Variants in MTAP observed in about 807,000 individuals in gnomAD.
MTAP encodes S-methyl-5'-thioadenosine phosphorylase.
A neutral mutation model predicts 33.6 loss-of-function variants in MTAP; 33 were observed. The observed-to-expected ratio is 0.98, with a 90% CI of 0.74 to 1.31. The LOEUF is 1.31. Among genes scored for constraint, MTAP ranks in the 40% most tolerant of loss-of-function variants. The pLI is 0.00. For missense variants in MTAP, 367 were observed against 360.0 expected (o/e 1.02, Z -0.16); for synonymous variants, 148 against 125.7 (o/e 1.18, Z -1.19).
intron 1 of MTAP, among the ~76,000 whole-genome samples, chr9:21,807,018 G>T (rs544129127): frequency 2.0e-5 from 3 of 152,178 alleles, no homozygotes; most frequent in East Asian, 3.9e-4. Context: ...ACAAAAATTA[G>T]CCAGGCACGG....
At chr9:21,887,560 C>T (rs62556507) in intron 1 of MTAP, among the ~76,000 whole-genome samples, 3 of 152,052 alleles carry the variant, frequency 2.0e-5, no homozygotes, top group East Asian at 3.9e-4. Flanking sequence ...TGAATAGTGC[C>T]GCAGTAAACA....
intron 4 of MTAP, among the ~76,000 whole-genome samples, chr9:21,834,302 G>C (rs186423530): frequency 3.5e-4 from 54 of 152,342 alleles, no homozygotes; most frequent in African/African-American, 1.3e-3. Context: ...CACACAGCTA[G>C]TGAGTGGTAA....
chr9:21,934,028 A>G (rs1286558587), downstream of MTAP: 1 of 152,270 alleles, frequency 6.6e-6, no homozygotes, highest in East Asian at 1.9e-4. This position sits in a 1 kb window ranked among gnomAD's most constrained non-coding sequence, Gnocchi z 5.0. Context: ...AATGATTCAC[A>G]AATCAGGCAG....
chr9:21,929,173 T>C (rs1291765637), intron 1 of MTAP, among the ~76,000 whole-genome samples: 2 of 152,006 alleles, frequency 1.3e-5, no homozygotes, highest in Admixed American at 1.3e-4. Context: ...GGTGAAGTCA[T>C]GGAAAGGCCA....
chr9:21,802,871 G>T (rs749239329), intron 1 of MTAP, 90 bp downstream of exon 1: 6 of 1,547,796 alleles, frequency 3.9e-6, no homozygotes, highest in Non-Finnish European at 5.2e-6. Flanking sequence ...GGGGCCATGC[G>T]CCCGGCCCGT....
intron 1 of MTAP, among the ~76,000 whole-genome samples, chr9:21,884,749 A>G (rs962315930): frequency 6.6e-6 from 1 of 152,132 alleles, no homozygotes; most frequent in Non-Finnish European, 1.5e-5. Flanking sequence ...GACCTCCCAA[A>G]GTTCCCACCT....
chr9:21,802,836 C>T (rs1187924034), intron 1 of MTAP, 55 bp downstream of exon 1: 1 of 1,605,358 alleles, frequency 6.2e-7, no homozygotes, highest in South Asian at 1.1e-5. Flanking sequence ...CCTTCTCGCC[C>T]CCGCGCCGGG....
chr9:21,927,338 C>T (rs922048939), intron 1 of MTAP, among the ~76,000 whole-genome samples: 6 of 152,124 alleles, frequency 3.9e-5, no homozygotes, highest in Non-Finnish European at 2.9e-5. Context: ...ATGGGACAGT[C>T]GGTCAGGCTC....
At chr9:21,859,069 G>A in intron 6 of MTAP, 1 of 384,276 alleles carries the variant, frequency 2.6e-6, no homozygotes, top group Non-Finnish European at 4.6e-6. Flanking sequence ...GAATAGCACT[G>A]GGGCCTCTTT....
intron 1 of MTAP, among the ~76,000 whole-genome samples, chr9:21,808,361 G>C (rs1271175030): frequency 2.0e-5 from 3 of 151,818 alleles, no homozygotes. Context: ...GAGGTGGATA[G>C]ACTGCTTGAG....
intron 4 of MTAP, among the ~76,000 whole-genome samples, chr9:21,819,178 A>G (rs1824565321): frequency 6.7e-6 from 1 of 150,044 alleles, no homozygotes; most frequent in African/African-American, 2.5e-5. Context: ...TCTAGGGTAC[A>G]TGTGCACAAC....
At chr9:21,885,323 A>T (rs893508297) in intron 1 of MTAP, among the ~76,000 whole-genome samples, 3 of 152,090 alleles carry the variant, frequency 2.0e-5, no homozygotes, top group Non-Finnish European at 4.4e-5. Context: ...ATACTCCAAT[A>T]TATTTGTTCT....
At chr9:21,897,852 G>T (rs899754989) in intron 1 of MTAP, among the ~76,000 whole-genome samples, 5 of 152,130 alleles carry the variant, frequency 3.3e-5, no homozygotes, top group African/African-American at 1.2e-4. Flanking sequence ...AGCTACCAAT[G>T]CCTTTCTTCA....
chr9:21,838,524 C>T (rs1825164802), intron 5 of MTAP, among the ~76,000 whole-genome samples: 1 of 152,212 alleles, frequency 6.6e-6, no homozygotes, highest in Non-Finnish European at 1.5e-5. Context: ...CATCCAATGG[C>T]TGGTAACTGC....
chr9:21,843,235 C>G (rs950414387), intron 5 of MTAP, among the ~76,000 whole-genome samples: 1 of 152,110 alleles, frequency 6.6e-6, no homozygotes, highest in African/African-American at 2.4e-5. Context: ...TATATATGCA[C>G]TTAACACTTG....
At chr9:21,812,897 T>C (rs1452706737) in intron 1 of MTAP, among the ~76,000 whole-genome samples, 1 of 152,016 alleles carries the variant, frequency 6.6e-6, no homozygotes, top group Non-Finnish European at 1.5e-5. Context: ...CTGGACGAGG[T>C]TTTTAATTTT....
intron 1 of MTAP, chr9:21,803,099 G>C (rs1824106675): frequency 1.8e-6 from 1 of 565,766 alleles, no homozygotes; most frequent in Non-Finnish European, 2.8e-6. Flanking sequence ...AGAGAGAGAG[G>C]TCGTGGATGG....
At position 21,823,032 on chromosome 9, in the gene MTAP, G is replaced by T. The variant is rs528803948; in HGVS notation, c.347+4830G>T. ...TGAGCCTATGTGTGTCTCTGCACGTGAGTTGGGTCTCCTGAATACAGCACA... is the reference window on the plus strand; with the variant it reads ...TGAGCCTATGTGTGTCTCTGCACGTTAGTTGGGTCTCCTGAATACAGCACA... On this transcript the variant is annotated intron_variant, in intron 4 of 7. Transcript: ENST00000644715. Among the ~76,000 whole-genome samples, 41 of 152,318 alleles carry T rather than the reference G, an allele frequency of 2.7e-4. No individual in the cohort carries two copies. In the South Asian group the frequency reaches 7.5e-3, roughly 28 times the overall value.
At chr9:21,839,204 G>T (rs1226748787) in intron 5 of MTAP, among the ~76,000 whole-genome samples, 1 of 150,716 alleles carries the variant, frequency 6.6e-6, no homozygotes, top group Non-Finnish European at 1.5e-5. Context: ...AGTGGCAGGC[G>T]AAGTTTGTAT....
Sources: gnomAD v4.1 joint callset for allele counts (sites outside exome capture counted in the v4.1 genomes callset) on GRCh38, gnomAD v4.1.1 for gene constraint, Gnocchi (gnomAD v3.1) non-coding constraint, MANE v1.5 for transcripts, NCBI Gene and HGNC (gene_info 2026-07-23, HGNC 2026-07-21) for gene names.